The following TTN variants were observed in gnomAD, a reference collection of about 807,000 sequenced individuals.
TTN encodes titin.
In TTN, 1,525 loss-of-function variants were observed where a neutral mutation model predicts 3,223.0. The observed-to-expected ratio is 0.47, with a 90% CI of 0.45 to 0.49. TTN has a LOEUF of 0.49. Among genes scored for constraint, TTN ranks in the 20% least tolerant of loss-of-function variants. The pLI is 0.00. For synonymous variants in TTN, 14,094 were observed against 15,161.0 expected (o/e 0.93, Z 5.17); for missense variants, 40,786 against 43,424.0 (o/e 0.94, Z 5.40).
chr2:178,705,429 A>C (rs1038993345), intron 102 of TTN, 72 bp from the exon 103 acceptor site: 67 of 1,160,642 alleles, frequency 5.8e-5, no homozygotes, highest in Admixed American at 1.5e-4. Context: ...TCATCATTCA[A>C]AGATTATATA....
Position 178,580,492 on chromosome 2 carries a change from G to C in TTN, c.66887C>G (p.Ser22296Cys). Residue 22296 changes from serine to cysteine, a missense_variant, in exon 317 of 363, where the codon TCT becomes TGT. By Grantham distance (112) the Ser-to-Cys change is moderately radical. Coordinates refer to ENST00000589042, the MANE Select transcript of TTN (RefSeq NM_001267550.2). ...GTCTCTTAGATTGACATTTGGTTTA[G>C]ACCAAGTAATCTTTGGAGGTGGGCG... Reference protein sequence around the residue: ...KGRPPPKITWSKPNVNLRDRI... With the variant: ...KGRPPPKITWCKPNVNLRDRI... The C allele has an allele frequency of 6.2e-7, 1 of 1,612,964 alleles. No individual in the cohort carries two copies. Among genetic ancestry groups the C allele is most frequent in the South Asian group, 1.1e-5 (1 of 91,042 alleles).
rs1264159825 is a variant in TTN, at chr2:178,614,299, C to T, written c.49098G>A (p.Glu16366=). Reference sequence around the variant, plus strand: ...GTGGGTTCCATGTTAGAAGACATGACTCATTGGTTACATCTGTGATGTCAA... The same window carrying T: ...GTGGGTTCCATGTTAGAAGACATGATTCATTGGTTACATCTGTGATGTCAA... ...AAFDITDVTN[E]SCLLTWNPPR... The change falls in exon 262 of 363, where the codon GAG becomes GAA. Residue 16366 remains glutamate (E), a synonymous_variant. Transcript: ENST00000589042. The T allele has an allele frequency of 1.2e-6, 2 of 1,612,522 alleles. No individual in the cohort carries two copies. The highest frequency in any genetic ancestry group is 1.3e-5 in the African/African-American group (1 of 74,764).
At chr2:178,674,521 T>A in intron 150 of TTN, 112 bp from the exon 151 acceptor site, 1 of 566,546 alleles carries the variant, frequency 1.8e-6, no homozygotes, top group Non-Finnish European at 2.9e-6. Flanking sequence ...GTAAACTCAC[T>A]AGTCCTTAAA....
chr2:178,758,893 A>G (rs2088148051), intron 44 of TTN, 91 bp downstream of exon 44: 2 of 1,310,374 alleles, frequency 1.5e-6, no homozygotes, highest in Non-Finnish European at 2.2e-6. Flanking sequence ...AGGAACAACA[A>G]TGATTTACAT....
rs761372985 is a variant in TTN at position 178,712,775 on chromosome 2, A to T, written c.27250T>A (p.Ser9084Thr). ...AELELFDVDT[S>T]QSGEYTCIVS... is the part of the protein sequence containing the mutation. ...ATGCAAGTATATTCTCCACTTTGTG[A>T]TGTATCTACATCGAACAACTCCAGT... is the stretch of plus-strand genomic sequence containing the variant. Residue 9084 changes from serine (S) to threonine (T), a missense_variant, in exon 94 of 363, where the codon TCA becomes ACA. Coordinates refer to ENST00000589042, the MANE Select transcript of TTN (RefSeq NM_001267550.2). The T allele has an allele frequency of 3.1e-6, 5 of 1,613,836 alleles. No individual in the cohort carries two copies. In the Admixed American group the frequency reaches 5.0e-5, roughly 16 times the overall value.
Position 178,579,259 on chromosome 2 carries a change from G to C in TTN, c.67771C>G (p.Leu22591Val). 1 of 1,613,412 alleles carries C rather than the reference G, an allele frequency of 6.2e-7. No individual in the cohort carries two copies. Residue 22591 changes from leucine to valine, a missense_variant, in exon 320 of 363, where the codon CTA becomes GTA. Coordinates refer to ENST00000589042, the MANE Select transcript of TTN (RefSeq NM_001267550.2). ...SVSWKKGEDP[L>V]ATDTRVSVES... ...ACACTGACTCTAGTGTCAGTTGCTA[G>C]AGGATCTTCCCCTTTCTTCCAGGAG...
In TTN at chr2:178,633,595, C is replaced by T. The variant is rs368433387; in HGVS notation, c.42764G>A (p.Ser14255Asn). The change falls in exon 232 of 363, where the codon AGC becomes AAC. Residue 14255 changes from serine to asparagine, a missense_variant. By Grantham distance (46) the Ser-to-Asn change is conservative (BLOSUM62 1). Coordinates refer to ENST00000589042, the MANE Select transcript of TTN (RefSeq NM_001267550.2). ...GAACCATTTCACTGGTACATCTTTGCTCACTTCACACTTCAAAGTAATCTC... is the reference window on the plus strand; with the variant it reads ...GAACCATTTCACTGGTACATCTTTGTTCACTTCACACTTCAAAGTAATCTC... ...KDEITLKCEVSKDVPVKWFKD... is the reference protein window; with the variant it reads ...KDEITLKCEVNKDVPVKWFKD... 5 of 1,613,366 alleles carry T rather than the reference C, an allele frequency of 3.1e-6. No homozygotes were observed. In the African/African-American group the frequency reaches 5.3e-5, roughly 17 times the overall value.
At chr2:178,724,234 A>C in intron 72 of TTN, 26 bp downstream of exon 72, 1 of 1,595,832 alleles carries the variant, frequency 6.3e-7, no homozygotes, top group Non-Finnish European at 8.5e-7. Flanking sequence ...TTGCATAAGC[A>C]ACCAGAAGAA....
rs1686529658 is a variant in TTN at position 178,526,654 on chromosome 2, T to A, written c.*358A>T. On this transcript the variant is annotated 3_prime_UTR_variant, in exon 363 of 363. Coordinates refer to ENST00000589042, the MANE Select transcript of TTN (RefSeq NM_001267550.2). ...GAGGCATACTTAGACATCAACAGTA[T>A]GTTGAGGCACAAAGATTGATTAAAT... 5.6e-6 allele frequency: 1 copy of A among 177,356 alleles called. No homozygotes were observed. Among genetic ancestry groups the A allele is most frequent in the South Asian group, 1.5e-4 (1 of 6,686 alleles). 11.0% of individuals were successfully genotyped at this position (177,356 alleles called of 1,614,324 possible).
In TTN at chr2:178,560,384, G is replaced by A. The variant is rs1553562507; in HGVS notation, c.85748C>T (p.Ser28583Phe). 1.2e-6 allele frequency: 2 copies of A among 1,613,584 alleles called. No homozygotes were observed. Among genetic ancestry groups the A allele is most frequent in the Non-Finnish European group, 1.7e-6 (2 of 1,179,748 alleles). The change falls in exon 326 of 363, where the codon TCT becomes TTT. Residue 28583 changes from serine (S) to phenylalanine (F), a missense_variant. By Grantham distance (155) the Ser-to-Phe change is radical. Coordinates refer to ENST00000589042, the MANE Select transcript of TTN (RefSeq NM_001267550.2). ...RPESDGGSEI[S>F]GYIIERREKN... ...CTCTCGCCTTTCAATTATATATCCAGATATTTCACTACCTCCATCACTCTC... is the reference window on the plus strand; with the variant it reads ...CTCTCGCCTTTCAATTATATATCCAAATATTTCACTACCTCCATCACTCTC...
At position 178,794,491 on chromosome 2, in the gene TTN, C is replaced by T. The variant is rs748544282; in HGVS notation, c.1306G>A (p.Ala436Thr). Residue 436 changes from alanine (A) to threonine (T), a missense_variant, in exon 8 of 363, where the codon GCC becomes ACC. By Grantham distance (58) the Ala-to-Thr change is moderately conservative. Coordinates refer to ENST00000589042, the MANE Select transcript of TTN (RefSeq NM_001267550.2). ...VATVVAAVDM[A>T]RVREPVISAV... ...CTGATCACTGGTTCTCTCACTCTGG[C>T]CATATCAACGGCAGCAACAACAGTC... 5.0e-6 allele frequency: 8 copies of T among 1,614,068 alleles called. No individual in the cohort carries two copies. The South Asian group carries it at 8.8e-5, about 18-fold the overall frequency.
rs148511818 is a variant in TTN, at chr2:178,708,628, A to G, written c.28754-815T>C. 6.5e-3 allele frequency among the ~76,000 whole-genome samples: 986 copies of G among 152,346 alleles called. 10 individuals carry two copies. The highest frequency in any genetic ancestry group is 0.023 in the African/African-American group (951 of 41,576). ...CCCATGGTAAAACCATCATGAGTGT[A>G]AATCATGAAGATAAGCCACTGCTAA... On this transcript the variant is annotated intron_variant, in intron 99 of 362. Transcript: ENST00000589042.
At position 178,725,354 on chromosome 2, in the gene TTN, G is replaced by A; in HGVS notation, c.20836+14C>T. On this transcript the variant is annotated intron_variant, in intron 71 of 362. Transcript: ENST00000589042. Reference sequence around the variant, plus strand: ...CATTTGGCACCAGTTTCTATCGTGGGCTATTGTACCAACCTAAGACCATCA... The same window carrying A: ...CATTTGGCACCAGTTTCTATCGTGGACTATTGTACCAACCTAAGACCATCA... The A allele has an allele frequency of 6.8e-7, 1 of 1,470,142 alleles. No individual in the cohort carries two copies. The highest frequency in any genetic ancestry group is 9.0e-7 in the Non-Finnish European group (1 of 1,108,758). The allele number at this position is 1,470,142 out of a possible 1,614,324, so 91.1% of individuals were successfully genotyped here. A position where few individuals can be genotyped will look rare whatever the true frequency, so the allele number is the denominator to read the frequency against.
At chr2:178,710,952 A>T in intron 97 of TTN, 30 bp from the exon 98 acceptor site, 1 of 1,595,664 alleles carries the variant, frequency 6.3e-7, no homozygotes, top group Non-Finnish European at 8.6e-7. Flanking sequence ...ACAAGGTTTC[A>T]GGCTCAATAT....
intron 69 of TTN, chr2:178,726,637 A>G (rs571529885): frequency 6.5e-6 from 1 of 153,466 alleles, no homozygotes; most frequent in Non-Finnish European, 1.5e-5. Flanking sequence ...TCCTTGAGAG[A>G]GAAGGAAAAA....
At position 178,572,780 on chromosome 2, in the gene TTN, G is replaced by C; in HGVS notation, c.73352C>G (p.Pro24451Arg). 6.2e-7 allele frequency: 1 copy of C among 1,613,448 alleles called. No individual in the cohort carries two copies. Residue 24451 changes from proline (P) to arginine (R), a missense_variant, in exon 326 of 363, where the codon CCC becomes CGC. Physicochemically the swap from Pro to Arg is moderately radical, Grantham distance 103. Coordinates refer to ENST00000589042, the MANE Select transcript of TTN (RefSeq NM_001267550.2). ...RACCTLRLFV[P>R]IKGRPAPEVK... Reference sequence around the variant, plus strand: ...CTCAGGTGCAGGCCTTCCTTTGATGGGAACAAAAAGTCTCAGGGTGCAGCA... The same window carrying C: ...CTCAGGTGCAGGCCTTCCTTTGATGCGAACAAAAAGTCTCAGGGTGCAGCA...
rs762347167 is a variant in TTN at position 178,577,202 on chromosome 2, C to T, written c.69133G>A (p.Gly23045Ser). 2 of 1,612,812 alleles carry T rather than the reference C, an allele frequency of 1.2e-6. No individual in the cohort carries two copies. The highest frequency in any genetic ancestry group is 2.7e-5 in the African/African-American group (2 of 74,822). Reference protein sequence around the residue: ...VTVLDVPGPPGPVEISNVSAE... With the variant: ...VTVLDVPGPPSPVEISNVSAE... ...GAAACATTACTGATTTCAACAGGAC[C>T]TGGGGGACCAGGTACATCAAGGACT... The change falls in exon 324 of 363, where the codon GGT becomes AGT. Residue 23045 changes from glycine to serine, a missense_variant. Coordinates refer to ENST00000589042, the MANE Select transcript of TTN (RefSeq NM_001267550.2).
intron 208 of TTN, 57 bp from the exon 209 acceptor site, chr2:178,650,891 TACC>T (rs2062826111): frequency 1.3e-6 from 2 of 1,499,434 alleles, no homozygotes. Context: ...ATTAAATTTA[TACC>T]ACATCGACTT....
chr2:178,705,345 T>G lies in TTN; in HGVS notation c.29433A>C (p.Leu9811Phe), dbSNP rs2075688215. ...CCTCTTCTTCTCCAGCTCCTTTCTT[T>G]AAGATTGGAGTCCTAAATAAAATTT... ...LRAMLKKTPI[L>F]KKGAGEEEEI... is the part of the protein sequence containing the mutation. The change falls in exon 103 of 363, where the codon TTA (leucine) becomes TTC (phenylalanine). Residue 9811 changes from leucine to phenylalanine, a missense_variant. Coordinates refer to ENST00000589042, the MANE Select transcript of TTN (RefSeq NM_001267550.2). The G allele has an allele frequency of 6.3e-7, 1 of 1,586,942 alleles. No individual in the cohort carries two copies. The highest frequency in any genetic ancestry group is 1.4e-5 in the African/African-American group (1 of 74,054).
Sources: allele counts gnomAD v4.1 joint callset (sites outside exome capture counted in the v4.1 genomes callset), GRCh38; gene constraint gnomAD v4.1.1; transcripts MANE v1.5; gene names NCBI Gene and HGNC (gene_info 2026-07-23, HGNC 2026-07-21).